Variants in PTPRO observed in about 807,000 individuals in gnomAD.
The protein encoded by PTPRO is receptor-type tyrosine-protein phosphatase O.
In PTPRO, 62 loss-of-function variants were observed where a neutral mutation model predicts 145.2. That is an observed-to-expected ratio of 0.43 (90% CI 0.35 to 0.53). The LOEUF (loss-of-function observed/expected upper bound fraction) is 0.53. Ranked by LOEUF, PTPRO falls within the 20% of genes least tolerant of loss-of-function variation. The pLI, the probability that PTPRO is intolerant of heterozygous loss-of-function variation, is 0.01. For missense variants in PTPRO, 1,345 were observed against 1,482.7 expected (o/e 0.91, Z 1.53); for synonymous variants, 565 against 514.7 (o/e 1.10, Z -1.32).
At chr12:15,567,688 G>A (rs930301446) in intron 18 of PTPRO, among the ~76,000 whole-genome samples, 2 of 152,156 alleles carry the variant, frequency 1.3e-5, no homozygotes, top group African/African-American at 4.8e-5. Context: ...GCAGTTCTAA[G>A]GGGGTTCATT....
intron 1 of PTPRO, among the ~76,000 whole-genome samples, chr12:15,441,149 A>G (rs572234707): frequency 6.6e-6 from 1 of 151,442 alleles, no homozygotes; most frequent in South Asian, 2.1e-4. Context: ...TATCAAATCA[A>G]CCATACTCTC....
chr12:15,451,776 T>G (rs1340594837), intron 1 of PTPRO, among the ~76,000 whole-genome samples: 2 of 152,132 alleles, frequency 1.3e-5, no homozygotes, highest in African/African-American at 4.8e-5. Context: ...AAGACAAAAT[T>G]AAACAATTAT....
At chr12:15,344,148 A>G (rs1429598509) in intron 1 of PTPRO, among the ~76,000 whole-genome samples, 3 of 152,182 alleles carry the variant, frequency 2.0e-5, no homozygotes, top group African/African-American at 7.2e-5. Context: ...AGAAATAATA[A>G]TGAGAACTAT....
chr12:15,594,913 A>T (rs1208014583), intron 25 of PTPRO, 24 bp from the exon 26 acceptor site: 2 of 1,555,596 alleles, frequency 1.3e-6, no homozygotes, highest in East Asian at 2.2e-5. Flanking sequence ...CTGCTCTGAA[A>T]CCTGTTTTTG....
intron 1 of PTPRO, among the ~76,000 whole-genome samples, chr12:15,387,120 A>T (rs1037675031): frequency 3.3e-5 from 5 of 152,168 alleles, no homozygotes; most frequent in African/African-American, 1.2e-4. Context: ...AAGAAAAATT[A>T]TTCCATGTGT....
At chr12:15,532,941 C>A (rs1018605108) in intron 12 of PTPRO, among the ~76,000 whole-genome samples, 2 of 152,152 alleles carry the variant, frequency 1.3e-5, no homozygotes, top group African/African-American at 4.8e-5. Flanking sequence ...TTTGGTTTTT[C>A]AGTCTCCCTT....
chr12:15,502,359 A>G (rs1469726325), intron 5 of PTPRO, among the ~76,000 whole-genome samples: 2 of 152,194 alleles, frequency 1.3e-5, no homozygotes, highest in African/African-American at 4.8e-5. Context: ...GGAAAACATC[A>G]TATTTGGAAA....
At chr12:15,455,138 A>C (rs762697697) in intron 1 of PTPRO, among the ~76,000 whole-genome samples, 9 of 152,032 alleles carry the variant, frequency 5.9e-5, no homozygotes, top group Non-Finnish European at 1.2e-4. Context: ...TCCTTCTGTC[A>C]GATAATATTT....
intron 12 of PTPRO, among the ~76,000 whole-genome samples, chr12:15,529,266 G>A (rs1268629102): frequency 6.6e-6 from 1 of 152,138 alleles, no homozygotes; most frequent in African/African-American, 2.4e-5. Context: ...ATTGGGTGGT[G>A]GAGAGAGATG....
intron 24 of PTPRO, among the ~76,000 whole-genome samples, chr12:15,588,723 A>G (rs1214468274): frequency 2.0e-5 from 3 of 152,304 alleles, no homozygotes; most frequent in South Asian, 2.1e-4. Context: ...GGACATCTCA[A>G]CTGGAGTTTT....
chr12:15,413,941 A>T (rs1440571419), intron 1 of PTPRO, among the ~76,000 whole-genome samples: 1 of 152,236 alleles, frequency 6.6e-6, no homozygotes, highest in Non-Finnish European at 1.5e-5. Context: ...TGATTTAGGA[A>T]CCAGTAATAT....
intron 12 of PTPRO, among the ~76,000 whole-genome samples, chr12:15,540,622 A>G (rs1943161955): frequency 6.6e-6 from 1 of 152,240 alleles, no homozygotes; most frequent in Non-Finnish European, 1.5e-5. Context: ...GTTTTAGACA[A>G]TAAACACATT....
intron 1 of PTPRO, among the ~76,000 whole-genome samples, chr12:15,452,630 A>G (rs1941075666): frequency 6.6e-6 from 1 of 152,248 alleles, no homozygotes; most frequent in African/African-American, 2.4e-5. Context: ...ACAACAGTAT[A>G]TCAAAAAGAT....
intron 1 of PTPRO, among the ~76,000 whole-genome samples, chr12:15,367,133 G>A (rs1938387094): frequency 6.6e-6 from 1 of 152,152 alleles, no homozygotes; most frequent in Admixed American, 6.5e-5. Flanking sequence ...TTTAGACAAA[G>A]CAATGTTCCA....
rs774636489 is a variant in PTPRO, at chr12:15,415,634, C to G, written c.76-68340C>G. 6.1e-4 allele frequency among the ~76,000 whole-genome samples: 93 copies of G among 151,758 alleles called. 2 individuals carry two copies. The highest frequency in any genetic ancestry group is 2.6e-4 in the Admixed American group (4 of 15,276). On this transcript the variant is annotated intron_variant, in intron 1 of 26. Coordinates refer to ENST00000281171, the MANE Select transcript of PTPRO (RefSeq NM_030667.3). ...TCTCCCGACCTTGTGATCCGCCCAC[C>G]CTGGCCTCCCAAAGTGCTGGGATTA... is the stretch of plus-strand genomic sequence containing the variant.
At chr12:15,443,950 C>T (rs1940836403) in intron 1 of PTPRO, among the ~76,000 whole-genome samples, 4 of 151,122 alleles carry the variant, frequency 2.6e-5, no homozygotes, top group Admixed American at 2.6e-4. Context: ...GAAGTTAAAA[C>T]AGAAGTGTCA....
rs1366130706 is a variant in PTPRO, at chr12:15,513,117, AAGGAAGGAAGGAAGGAAGGAAGG to A, written c.1465-2379_1465-2357del. ...GAAGAAAGAAAGAAAGAAAGGAAGG[AAGGAAGGAAGGAAGGAAGGAAGG>A]AAGAAAGAAAGAAAGAAAAAGAAAG... is the stretch of plus-strand genomic sequence containing the variant. On this transcript the variant is annotated intron_variant, in intron 7 of 26. Transcript: ENST00000281171. 9.0e-4 allele frequency among the ~76,000 whole-genome samples: 6 copies of A among 6,696 alleles called. 1 individual carries two copies. Among genetic ancestry groups the A allele is most frequent in the Admixed American group, 6.8e-3 (2 of 292 alleles). The allele number at this position is 6,696 out of a possible 152,430, so 4.4% of individuals were successfully genotyped here. A position where few individuals can be genotyped will look rare whatever the true frequency, so the allele number is the denominator to read the frequency against.
intron 1 of PTPRO, among the ~76,000 whole-genome samples, chr12:15,417,828 A>G (rs1248173830): frequency 6.6e-6 from 1 of 151,732 alleles, no homozygotes; most frequent in Non-Finnish European, 1.5e-5. Flanking sequence ...ACTAGGATTT[A>G]GTCTTCCTTT....
intron 7 of PTPRO, among the ~76,000 whole-genome samples, chr12:15,511,699 G>C (rs940705956): frequency 6.6e-6 from 1 of 152,100 alleles, no homozygotes. Flanking sequence ...CCAATTAGCT[G>C]GGACTACAGG....
Sources: gnomAD v4.1 joint callset for allele counts (sites outside exome capture counted in the v4.1 genomes callset) on GRCh38, gnomAD v4.1.1 for gene constraint, MANE v1.5 for transcripts, NCBI Gene and HGNC (gene_info 2026-07-23, HGNC 2026-07-21) for gene names.